NAALADL2: variants seen among roughly 807,000 people sequenced by gnomAD.
The protein encoded by NAALADL2 is N-acetylated alpha-linked acidic dipeptidase like 2.
A neutral mutation model predicts 87.2 loss-of-function variants in NAALADL2; 76 were observed. The observed-to-expected ratio is 0.87, with a 90% CI of 0.72 to 1.05. The LOEUF (loss-of-function observed/expected upper bound fraction) is 1.05, where lower values mean the gene tolerates loss of function less well. Among genes scored for constraint, NAALADL2 ranks in the 50% least tolerant of loss-of-function variants. The pLI is 0.00. For synonymous variants in NAALADL2, 354 were observed against 331.0 expected, an observed-to-expected ratio of 1.07 and a Z score of -0.75; for missense variants, 1,089 against 945.8, an observed-to-expected ratio of 1.15 and a Z score of -1.99.
intron 5 of NAALADL2, among the ~76,000 whole-genome samples, chr3:175,431,897 T>C (rs1198287646): frequency 1.3e-5 from 2 of 152,016 alleles, no homozygotes; most frequent in African/African-American, 4.8e-5. Flanking sequence ...TCTCTCTTAA[T>C]TACCTCATTG....
At chr3:175,197,572 G>A (rs1182370246) in intron 2 of NAALADL2, among the ~76,000 whole-genome samples, 2 of 151,902 alleles carry the variant, frequency 1.3e-5, no homozygotes, top group Non-Finnish European at 2.9e-5. Flanking sequence ...TGAGAACTTC[G>A]AGGCACAAGG....
At chr3:175,704,890 T>A (rs771941034) in intron 11 of NAALADL2, among the ~76,000 whole-genome samples, 1 of 152,288 alleles carries the variant, frequency 6.6e-6, no homozygotes, top group Middle Eastern at 3.4e-3. Flanking sequence ...TGATGAAACA[T>A]GTGAAAGCAT....
At chr3:175,779,563 C>A (rs1750731078) in intron 13 of NAALADL2, among the ~76,000 whole-genome samples, 1 of 151,954 alleles carries the variant, frequency 6.6e-6, no homozygotes, top group African/African-American at 2.4e-5. Context: ...TCAGGTGAAC[C>A]TCACACTATG....
intron 4 of NAALADL2, among the ~76,000 whole-genome samples, chr3:175,294,003 G>C (rs1755992888): frequency 2.0e-5 from 3 of 152,158 alleles, no homozygotes; most frequent in Non-Finnish European, 1.5e-5. Flanking sequence ...ACAGTGCCAA[G>C]CACAGTGCCT....
At chr3:175,404,968 G>C (rs556486348) in intron 5 of NAALADL2, among the ~76,000 whole-genome samples, 1 of 152,082 alleles carries the variant, frequency 6.6e-6, no homozygotes, top group East Asian at 1.9e-4. Context: ...ATTTCACTAG[G>C]CAAATTAGAT....
intron 11 of NAALADL2, among the ~76,000 whole-genome samples, chr3:175,709,623 ATTCTCTT>A: frequency 6.7e-6 from 1 of 150,196 alleles, no homozygotes; most frequent in African/African-American, 2.5e-5. Context: ...CTTGGCAATC[ATTCTCTT>A]TGTATATGAT....
rs775957344 is a variant in NAALADL2, at chr3:175,628,617, G to GTGTA, written c.1896+1232_1896+1233insGTAT. Among the ~76,000 whole-genome samples the GTGTA allele has an allele frequency of 1.6e-3, 218 of 139,196 alleles. 1 individual carries two copies. The highest frequency in any genetic ancestry group is 5.2e-3 in the African/African-American group (199 of 38,376). The allele number at this position is 139,196 out of a possible 152,430, so 91.3% of individuals were successfully genotyped here. On this transcript the variant is annotated intron_variant, in intron 11 of 13. Transcript: ENST00000454872. ...CCATTAAAATAATCTCTCTCTCTAT[G>GTGTA]TATATATATATATATATATGAATTA...
In NAALADL2 at chr3:175,278,337, G is replaced by A. The variant is rs1290270063; in HGVS notation, c.939+21807G>A. ...GAGTTAATAACAATGGATGCATCTA[G>A]TTGCATCTAGTTAATATACCAGAGA... is the stretch of plus-strand genomic sequence containing the variant. On this transcript the variant is annotated intron_variant, in intron 4 of 13. Coordinates refer to ENST00000454872, the MANE Select transcript of NAALADL2 (RefSeq NM_207015.3). 2.0e-5 allele frequency among the ~76,000 whole-genome samples: 3 copies of A among 152,210 alleles called. No homozygotes were observed. In the East Asian group the frequency reaches 5.8e-4, roughly 29 times the overall value.
At chr3:175,153,787 G>A (rs1259404103) in intron 2 of NAALADL2, among the ~76,000 whole-genome samples, 1 of 152,180 alleles carries the variant, frequency 6.6e-6, no homozygotes, top group East Asian at 1.9e-4. Context: ...TACTGAAATA[G>A]GGGTGGGTTG....
chr3:175,690,383 A>G (rs1736889005), intron 11 of NAALADL2, among the ~76,000 whole-genome samples: 1 of 152,150 alleles, frequency 6.6e-6, no homozygotes, highest in South Asian at 2.1e-4. Flanking sequence ...TAGTACAGCC[A>G]CATGATGATA....
chr3:175,579,755 T>C (rs1020891238), intron 10 of NAALADL2, among the ~76,000 whole-genome samples: 1 of 152,116 alleles, frequency 6.6e-6, no homozygotes, highest in African/African-American at 2.4e-5. Flanking sequence ...TGATTAAGAG[T>C]GCAATATTTA....
chr3:174,648,331 A>G (rs1724009241), intron 2 of NAALADL2, among the ~76,000 whole-genome samples: 1 of 143,966 alleles, frequency 6.9e-6, no homozygotes, highest in Non-Finnish European at 1.5e-5. Flanking sequence ...CTCAACAACC[A>G]CCAAAAAGAA....
At chr3:175,165,687 T>G (rs987199253) in intron 2 of NAALADL2, among the ~76,000 whole-genome samples, 1 of 152,150 alleles carries the variant, frequency 6.6e-6, no homozygotes, top group Non-Finnish European at 1.5e-5. Flanking sequence ...ATAATCTTTT[T>G]CTGATGTTGA....
intron 1 of NAALADL2, among the ~76,000 whole-genome samples, chr3:175,046,800 G>A (rs76775415): frequency 1.7e-3 from 258 of 152,254 alleles, no homozygotes; most frequent in African/African-American, 6.0e-3. Context: ...CTCTGTGATA[G>A]CTCTGAAAAC....
chr3:175,119,840 G>T (rs1256588016), intron 2 of NAALADL2, among the ~76,000 whole-genome samples: 1 of 144,580 alleles, frequency 6.9e-6, no homozygotes, highest in African/African-American at 2.5e-5. Context: ...AGATGTATAT[G>T]ACTTATATAG....
chr3:175,205,726 T>C (rs1328966858), intron 2 of NAALADL2, among the ~76,000 whole-genome samples: 2 of 150,900 alleles, frequency 1.3e-5, no homozygotes, highest in Non-Finnish European at 3.0e-5. Context: ...CCAGAATCTA[T>C]AACAAACTCA....
intron 2 of NAALADL2, among the ~76,000 whole-genome samples, chr3:174,684,741 C>G (rs1397414627): frequency 6.6e-6 from 1 of 152,016 alleles, no homozygotes; most frequent in Non-Finnish European, 1.5e-5. Context: ...CTTTAAAATT[C>G]AGAAGAGTTT....
chr3:175,605,088 T>C lies in NAALADL2; in HGVS notation c.1801-22203T>C, dbSNP rs535494569. 9.2e-5 allele frequency among the ~76,000 whole-genome samples: 14 copies of C among 152,276 alleles called. No homozygotes were observed. The South Asian group carries it at 2.9e-3, about 32-fold the overall frequency. Reference sequence around the variant, plus strand: ...CCTTTATGAAGAAAGCCTTTTACCTTTTGTGCTTGCTAGTACCCACACTCT... The same window carrying C: ...CCTTTATGAAGAAAGCCTTTTACCTCTTGTGCTTGCTAGTACCCACACTCT... On this transcript the variant is annotated intron_variant, in intron 10 of 13. Transcript: ENST00000454872.
At chr3:175,549,160 G>A (rs1713895795) in intron 9 of NAALADL2, among the ~76,000 whole-genome samples, 1 of 143,074 alleles carries the variant, frequency 7.0e-6, no homozygotes, top group Non-Finnish European at 1.5e-5. Flanking sequence ...CCCTTGCATT[G>A]TTTTATTCTT....
Sources: gnomAD v4.1 joint callset for allele counts (sites outside exome capture counted in the v4.1 genomes callset) on GRCh38, gnomAD v4.1.1 for gene constraint, MANE v1.5 for transcripts, NCBI Gene and HGNC (gene_info 2026-07-23, HGNC 2026-07-21) for gene names.